Variants in SPHKAP observed in about 807,000 individuals in gnomAD.
The protein encoded by SPHKAP is SPHK1 interactor, AKAP domain containing, also known as A-kinase anchor protein SPHKAP.
SPHKAP carries 67 observed loss-of-function variants against 137.5 expected under a neutral mutation model. The ratio of observed to expected loss-of-function variants is 0.49; its 90% CI spans 0.40 to 0.60. The LOEUF is 0.60. Among genes scored for constraint, SPHKAP ranks in the 20% least tolerant of loss-of-function variants. The probability of loss-of-function intolerance (pLI) is 0.00; values close to 1 mark genes in which losing one functional copy is unlikely to be tolerated. For missense variants in SPHKAP, 2,097 were observed against 2,069.3 expected (o/e 1.01, Z -0.26); for synonymous variants, 813 against 785.3 (o/e 1.04, Z -0.59).
chr2:228,088,822 C>T (rs1434555560), intron 3 of SPHKAP, among the ~76,000 whole-genome samples: 1 of 152,184 alleles, frequency 6.6e-6, no homozygotes, highest in Non-Finnish European at 1.5e-5. Flanking sequence ...CTTCTTAAGG[C>T]CTCACCAGAA....
chr2:228,019,617 T>C lies in SPHKAP; in HGVS notation c.1237A>G (p.Thr413Ala), dbSNP rs749621761. ...AFIRLSQSQS[T>A]LPQESAVSVS... ...CTGACTGCAGATTCCTGGGGTAATGTGGACTGAGATTGAGATAATCTAATA... is the reference window on the plus strand; with the variant it reads ...CTGACTGCAGATTCCTGGGGTAATGCGGACTGAGATTGAGATAATCTAATA... The change falls in exon 7 of 12, where the codon ACA (threonine) becomes GCA (alanine). Residue 413 changes from threonine to alanine, a missense_variant. By Grantham distance (58) the Thr-to-Ala change is moderately conservative (BLOSUM62 0). Coordinates refer to ENST00000392056, the MANE Select transcript of SPHKAP (RefSeq NM_001142644.2). The C allele has an allele frequency of 1.9e-6, 3 of 1,614,134 alleles. No individual in the cohort carries two copies. The highest frequency in any genetic ancestry group is 2.2e-5 in the East Asian group (1 of 44,880).
At position 227,995,591 on chromosome 2, in the gene SPHKAP, C is replaced by T. The variant is rs749553814; in HGVS notation, c.4552G>A (p.Gly1518Ser). ...NPPSSSEEST[G>S]SWTQLANEED... ...TCATTGGCAAGCTGGGTCCAGCTGC[C>T]TGTGCTCTCCTCGCTGCTGCTTGGA... Residue 1518 changes from glycine (G) to serine (S), a missense_variant, in exon 8 of 12, where the codon GGC becomes AGC. Transcript: ENST00000392056. The T allele has an allele frequency of 6.2e-7, 1 of 1,614,074 alleles. No individual in the cohort carries two copies. The highest frequency in any genetic ancestry group is 1.1e-5 in the South Asian group (1 of 91,076).
intron 1 of SPHKAP, among the ~76,000 whole-genome samples, chr2:228,132,287 C>T (rs1699277611): frequency 6.6e-6 from 1 of 152,182 alleles, no homozygotes. Flanking sequence ...GACGATCCTA[C>T]TGTGACCATG....
chr2:228,119,488 C>T (rs191548386), intron 2 of SPHKAP, among the ~76,000 whole-genome samples: 1 of 151,968 alleles, frequency 6.6e-6, no homozygotes, highest in East Asian at 1.9e-4. Context: ...CTCTCTCTCT[C>T]TCTCTCTCAT....
At chr2:228,075,320 A>G (rs1036019030) in intron 3 of SPHKAP, among the ~76,000 whole-genome samples, 1 of 152,148 alleles carries the variant, frequency 6.6e-6, no homozygotes. Flanking sequence ...TCAGGTGTAT[A>G]TGCACCTGCC....
intron 3 of SPHKAP, among the ~76,000 whole-genome samples, chr2:228,032,927 C>G (rs1380820175): frequency 6.6e-6 from 1 of 152,072 alleles, no homozygotes; most frequent in African/African-American, 2.4e-5. Context: ...AAAAACATGC[C>G]AAAATGTAAA....
At chr2:228,050,227 A>G (rs1696208610) in intron 3 of SPHKAP, among the ~76,000 whole-genome samples, 1 of 152,300 alleles carries the variant, frequency 6.6e-6, no homozygotes, top group African/African-American at 2.4e-5. Context: ...ACACTTAGAA[A>G]CTGTTGATGG....
At chr2:228,131,083 T>C (rs1348409538) in intron 2 of SPHKAP, among the ~76,000 whole-genome samples, 1 of 152,052 alleles carries the variant, frequency 6.6e-6, no homozygotes, top group Non-Finnish European at 1.5e-5. Flanking sequence ...TTAATGCTGC[T>C]TAACTGGGTA....
intron 1 of SPHKAP, among the ~76,000 whole-genome samples, chr2:228,133,340 A>G (rs1252450159): frequency 7.0e-6 from 1 of 143,624 alleles, no homozygotes; most frequent in East Asian, 2.1e-4. Flanking sequence ...TAAATAAATA[A>G]ATAAATAAAT....
rs745500250 is a variant in SPHKAP, at chr2:228,017,859, G to T, written c.2995C>A (p.Arg999=). Residue 999 remains arginine, a synonymous_variant, in exon 7 of 12, where the codon CGG becomes AGG. Transcript: ENST00000392056. ...GTAVRKHKPP[R]LSEIKRKTDE... is the part of the protein sequence containing the mutation. ...GTCTTCCTCTTGATCTCACTGAGCCGGGGAGGCTTGTGTTTCCTCACAGCG... is the reference window on the plus strand; with the variant it reads ...GTCTTCCTCTTGATCTCACTGAGCCTGGGAGGCTTGTGTTTCCTCACAGCG... 3 of 1,613,924 alleles carry T rather than the reference G, an allele frequency of 1.9e-6. No individual in the cohort carries two copies. The highest frequency in any genetic ancestry group is 2.5e-6 in the Non-Finnish European group (3 of 1,179,954).
intron 3 of SPHKAP, among the ~76,000 whole-genome samples, chr2:228,044,376 T>G (rs1695953690): frequency 6.6e-6 from 1 of 152,186 alleles, no homozygotes; most frequent in Non-Finnish European, 1.5e-5. Flanking sequence ...CCAGATTGAA[T>G]ATCTATATTA....
chr2:228,165,567 C>T (rs79663725), intron 1 of SPHKAP, among the ~76,000 whole-genome samples: 20,582 of 152,222 alleles, frequency 0.14, 1,406 homozygotes, highest in East Asian at 0.2. Flanking sequence ...AAATATTCAA[C>T]TGCACCTGCA....
chr2:228,092,212 TATAC>T (rs1182871721), intron 3 of SPHKAP, among the ~76,000 whole-genome samples: 37 of 147,588 alleles, frequency 2.5e-4, no homozygotes, highest in African/African-American at 7.4e-4. Context: ...TACACACATA[TATAC>T]ACACATATAT....
chr2:228,007,284 G>A (rs1004768643), intron 7 of SPHKAP, among the ~76,000 whole-genome samples: 9 of 152,172 alleles, frequency 5.9e-5, no homozygotes, highest in African/African-American at 1.9e-4. Flanking sequence ...GGGGTAATAA[G>A]AATATCCATC....
intron 2 of SPHKAP, among the ~76,000 whole-genome samples, chr2:228,116,257 A>T (rs1048209340): frequency 1.3e-5 from 2 of 152,174 alleles, no homozygotes; most frequent in South Asian, 4.1e-4. Context: ...TGTCTTCCTT[A>T]TCTCTGAAAT....
At chr2:228,096,735 A>T (rs1230124572) in intron 3 of SPHKAP, among the ~76,000 whole-genome samples, 2 of 152,062 alleles carry the variant, frequency 1.3e-5, no homozygotes, top group African/African-American at 2.4e-5. Flanking sequence ...ATATGAAATG[A>T]AAGCAGTCTC....
At chr2:228,131,576 T>G (rs2106374957) in intron 2 of SPHKAP, among the ~76,000 whole-genome samples, 1 of 152,252 alleles carries the variant, frequency 6.6e-6, no homozygotes, top group South Asian at 2.1e-4. Context: ...TACCCTTTGT[T>G]TTATGGAAAT....
chr2:228,018,632 G>A lies in SPHKAP; in HGVS notation c.2222C>T (p.Thr741Ile), dbSNP rs755469563. 1 of 1,614,068 alleles carries A rather than the reference G, an allele frequency of 6.2e-7. No individual in the cohort carries two copies. The highest frequency in any genetic ancestry group is 8.5e-7 in the Non-Finnish European group (1 of 1,180,032). The stretch of plus-strand genomic sequence containing the variant: ...TGGTTCTGTCTCCCTCCTTCTGATG[G>A]TCTCCTTAGAAAGGACAGCAGGACA... ...GECPAVLSKETIRRRETEPSC... is the reference protein window; with the variant it reads ...GECPAVLSKEIIRRRETEPSC... Residue 741 changes from threonine to isoleucine, a missense_variant, in exon 7 of 12, where the codon ACC becomes ATC. Physicochemically the swap from Thr to Ile is moderately conservative, Grantham distance 89. Transcript: ENST00000392056.
intron 3 of SPHKAP, among the ~76,000 whole-genome samples, chr2:228,039,941 G>A (rs1559362330): frequency 6.6e-6 from 1 of 152,106 alleles, no homozygotes; most frequent in Non-Finnish European, 1.5e-5. Context: ...TGTATTCTGC[G>A]TCCACTAGGG....
Sources: gnomAD v4.1 joint callset for allele counts (sites outside exome capture counted in the v4.1 genomes callset) on GRCh38, gnomAD v4.1.1 for gene constraint, MANE v1.5 for transcripts, NCBI Gene and HGNC (gene_info 2026-07-23, HGNC 2026-07-21) for gene names.